Variants in ZNF26 observed in about 807,000 individuals in gnomAD.
The protein encoded by ZNF26 is zinc finger protein 26.
A neutral mutation model predicts 54.9 loss-of-function variants in ZNF26; 32 were observed. That is an observed-to-expected ratio of 0.58 (90% CI 0.44 to 0.78). ZNF26 has a LOEUF of 0.78. ZNF26 is among the 30% of genes least tolerant of loss of function. The pLI, the probability that ZNF26 is intolerant of heterozygous loss-of-function variation, is 0.00. For missense variants in ZNF26, 524 were observed against 634.0 expected (o/e 0.83, Z 1.86); for synonymous variants, 221 against 209.2 (o/e 1.06, Z -0.49).
rs1448418942 is a variant in ZNF26 at position 133,016,229 on chromosome 12, C to T, written c.*4748C>T. 2 of 151,572 alleles carry T rather than the reference C, an allele frequency of 1.3e-5. No homozygotes were observed. The highest frequency in any genetic ancestry group is 4.8e-5 in the African/African-American group (2 of 41,258). 9.4% of individuals were successfully genotyped at this position (151,572 alleles called of 1,614,324 possible). On this transcript the variant is annotated 3_prime_UTR_variant, in exon 4 of 4. Transcript: ENST00000328654. ...CTGGGATTACAGGCACCTGCCACCA[C>T]ACCTGGCTAATTTTTGTATTTTTAG... is the stretch of plus-strand genomic sequence containing the variant.
At position 133,018,977 on chromosome 12, in the gene ZNF26, C is replaced by T. The variant is rs368062223; in HGVS notation, c.*7496C>T. ...TGATAAAAAAAAATCCAACCATGTA[C>T]AGAAGACATACATACATACTCAAAG... On this transcript the variant is annotated 3_prime_UTR_variant, in exon 4 of 4. Coordinates refer to ENST00000328654, the MANE Select transcript of ZNF26 (RefSeq NM_019591.4). 1.8e-4 allele frequency: 27 copies of T among 152,048 alleles called. No individual in the cohort carries two copies. The East Asian group carries it at 4.6e-3, about 26-fold the overall frequency. The allele number at this position is 152,048 out of a possible 1,614,324, so 9.4% of individuals were successfully genotyped here.
At position 133,021,068 on chromosome 12, in the gene ZNF26, C is replaced by G. The variant is rs1364096706; in HGVS notation, c.*9587C>G. The G allele has an allele frequency of 6.6e-6, 1 of 151,280 alleles. No homozygotes were observed. Among genetic ancestry groups the G allele is most frequent in the African/African-American group, 2.4e-5 (1 of 41,130 alleles). 9.4% of individuals were successfully genotyped at this position (151,280 alleles called of 1,614,324 possible). On this transcript the variant is annotated 3_prime_UTR_variant, in exon 4 of 4. Coordinates refer to ENST00000328654, the MANE Select transcript of ZNF26 (RefSeq NM_019591.4). ...TCAACACTGAAGTGTTTAGGGATGT[C>G]GAGAAATTATGCCTCCAACCTATGC...
chr12:132,996,864 G>A (rs892140124), intron 1 of ZNF26, among the ~76,000 whole-genome samples: 9 of 152,132 alleles, frequency 5.9e-5, no homozygotes, highest in African/African-American at 2.2e-4. Context: ...CTGCTACCCT[G>A]TTGACTTTTC....
chr12:133,010,854 T>A lies in ZNF26; in HGVS notation c.975T>A (p.Ser325Arg). The A allele has an allele frequency of 6.2e-7, 1 of 1,610,616 alleles. No homozygotes were observed. Among genetic ancestry groups the A allele is most frequent in the Middle Eastern group, 1.7e-4 (1 of 6,024 alleles). The change falls in exon 4 of 4, where the codon AGT becomes AGA. Residue 325 changes from serine (S) to arginine (R), a missense_variant. Ser to Arg is a moderately radical substitution (Grantham distance 110). Coordinates refer to ENST00000328654, the MANE Select transcript of ZNF26 (RefSeq NM_019591.4). ...GTGAATGTGGGAAAGCCTTTAGGAG[T>A]AAGTCCTATCTCCTTGTTCACATCC... The part of the protein sequence containing the change: ...KCSECGKAFR[S>R]KSYLLVHIRM...
chr12:133,021,831 A>G lies in ZNF26; in HGVS notation c.*10350A>G, dbSNP rs1953646956. 1 of 152,052 alleles carries G rather than the reference A, an allele frequency of 6.6e-6. No homozygotes were observed. Among genetic ancestry groups the G allele is most frequent in the South Asian group, 2.1e-4 (1 of 4,822 alleles). 9.4% of individuals were successfully genotyped at this position (152,052 alleles called of 1,614,324 possible). ...CTAACATGGTAAAAATTTGAGGAAT[A>G]TTGGTAAAGAATATTTACAAATTCA... On this transcript the variant is annotated 3_prime_UTR_variant, in exon 4 of 4. Transcript: ENST00000328654.
chr12:132,989,941 C>T (rs1218282044), intron 1 of ZNF26, among the ~76,000 whole-genome samples: 2 of 152,060 alleles, frequency 1.3e-5, no homozygotes, highest in Admixed American at 1.3e-4. Context: ...ACCCTTGTTC[C>T]TAGTTTAGTG....
In ZNF26 at chr12:132,986,765, C is replaced by T. The variant is rs1226340511; in HGVS notation, c.-76C>T. 1.4e-5 allele frequency: 21 copies of T among 1,501,802 alleles called. No individual in the cohort carries two copies. The highest frequency in any genetic ancestry group is 1.6e-5 in the Non-Finnish European group (18 of 1,105,226). The allele number at this position is 1,501,802 out of a possible 1,614,324, so 93.0% of individuals were successfully genotyped here. A position where few individuals can be genotyped will look rare whatever the true frequency, so the allele number is the denominator to read the frequency against. On this transcript the variant is annotated 5_prime_UTR_variant, in exon 1 of 4. Coordinates refer to ENST00000328654, the MANE Select transcript of ZNF26 (RefSeq NM_019591.4). ...CCCTGGTCCCGCACCTGTCTTCGGGCGGACGCATCCCTCACGGTCTCTCCG... is the reference window on the plus strand; with the variant it reads ...CCCTGGTCCCGCACCTGTCTTCGGGTGGACGCATCCCTCACGGTCTCTCCG...
Position 132,988,133 on chromosome 12 carries a change from C to T in ZNF26, c.33+1260C>T, listed in dbSNP as rs1026089456. Among the ~76,000 whole-genome samples the T allele has an allele frequency of 2.6e-5, 4 of 152,144 alleles. No individual in the cohort carries two copies. The South Asian group carries it at 8.3e-4, about 32-fold the overall frequency. ...GAGCGATTCTTGAGCCTCAGCCTCCCGAGTAGCTGGGATTACAGGCACATG... is the reference window on the plus strand; with the variant it reads ...GAGCGATTCTTGAGCCTCAGCCTCCTGAGTAGCTGGGATTACAGGCACATG... On this transcript the variant is annotated intron_variant, in intron 1 of 3. Coordinates refer to ENST00000328654, the MANE Select transcript of ZNF26 (RefSeq NM_019591.4).
intron 1 of ZNF26, chr12:133,006,296 G>A (rs1953324976): frequency 5.1e-6 from 5 of 985,424 alleles, no homozygotes; most frequent in Non-Finnish European, 6.0e-6. Context: ...TTATCCCCCT[G>A]TTCTCAGCTG....
At position 133,021,956 on chromosome 12, in the gene ZNF26, C is replaced by A. The variant is rs1310526363; in HGVS notation, c.*10475C>A. 6.6e-6 allele frequency: 1 copy of A among 152,092 alleles called. No homozygotes were observed. Among genetic ancestry groups the A allele is most frequent in the East Asian group, 1.9e-4 (1 of 5,180 alleles). 9.4% of individuals were successfully genotyped at this position (152,092 alleles called of 1,614,324 possible). A position where few individuals can be genotyped will look rare whatever the true frequency, so the allele number is the denominator to read the frequency against. ...AAAAGAGGCCAGGTGTGGTGACTCA[C>A]GCCTGTAATCCCAGCACTTTGGAAG... On this transcript the variant is annotated 3_prime_UTR_variant, in exon 4 of 4. Transcript: ENST00000328654.
At position 133,007,027 on chromosome 12, in the gene ZNF26, T is replaced by G; in HGVS notation, c.34-15T>G. On this transcript the variant is annotated splice_polypyrimidine_tract_variant and intron_variant, in intron 1 of 3. Transcript: ENST00000328654. ...TGTAATTGCATCCAATTGAACAGGG[T>G]GTGTGTTATTTCAGGGATTATTGTC... is the stretch of plus-strand genomic sequence containing the variant. The G allele has an allele frequency of 5.0e-6, 8 of 1,613,934 alleles. No homozygotes were observed. Among genetic ancestry groups the G allele is most frequent in the Non-Finnish European group, 6.8e-6 (8 of 1,179,886 alleles).
In ZNF26 at chr12:132,986,837, G is replaced by A. The variant is rs1274451787; in HGVS notation, c.-4G>A. 1.2e-6 allele frequency: 2 copies of A among 1,605,528 alleles called. No homozygotes were observed. Among genetic ancestry groups the A allele is most frequent in the Non-Finnish European group, 1.7e-6 (2 of 1,176,116 alleles). On this transcript the variant is annotated 5_prime_UTR_variant, in exon 1 of 4. Coordinates refer to ENST00000328654, the MANE Select transcript of ZNF26 (RefSeq NM_019591.4). ...GCAGGCAGCGCGCGAACGTGGGCGT[G>A]GGGATGGCCACCAGTTTCCGGACAG...
In ZNF26 at chr12:133,014,295, C is replaced by A. The variant is rs1953531788; in HGVS notation, c.*2814C>A. 6.6e-6 allele frequency: 1 copy of A among 152,344 alleles called. No homozygotes were observed. Among genetic ancestry groups the A allele is most frequent in the Non-Finnish European group, 1.5e-5 (1 of 68,190 alleles). The allele number at this position is 152,344 out of a possible 1,614,324, so 9.4% of individuals were successfully genotyped here. ...GGTTACAGCGGTGCACACCTGCAAT[C>A]CCAGCTACTCAGGAGGTTGAGGCAG... is the stretch of plus-strand genomic sequence containing the variant. On this transcript the variant is annotated 3_prime_UTR_variant, in exon 4 of 4. Transcript: ENST00000328654.
In ZNF26 at chr12:133,019,513, C is replaced by T. The variant is rs1257939754; in HGVS notation, c.*8032C>T. 1 of 152,120 alleles carries T rather than the reference C, an allele frequency of 6.6e-6. No homozygotes were observed. Among genetic ancestry groups the T allele is most frequent in the African/African-American group, 2.4e-5 (1 of 41,414 alleles). The allele number at this position is 152,120 out of a possible 1,614,324, so 9.4% of individuals were successfully genotyped here. ...CAGAGAAATGCAAATTAACCACAAT[C>T]AGATATCATCCCTCTTCAGTTAAAA... On this transcript the variant is annotated 3_prime_UTR_variant, in exon 4 of 4. Coordinates refer to ENST00000328654, the MANE Select transcript of ZNF26 (RefSeq NM_019591.4).
Position 133,021,985 on chromosome 12 carries a change from A to T in ZNF26, c.*10504A>T, listed in dbSNP as rs889818755. On this transcript the variant is annotated 3_prime_UTR_variant, in exon 4 of 4. Transcript: ENST00000328654. The stretch of plus-strand genomic sequence containing the variant: ...TGTAATCCCAGCACTTTGGAAGGCC[A>T]AGGTGGGCGGATCACTTGAGGTCAG... 6.6e-6 allele frequency: 1 copy of T among 152,126 alleles called. No individual in the cohort carries two copies. The highest frequency in any genetic ancestry group is 2.4e-5 in the African/African-American group (1 of 41,418). The allele number at this position is 152,126 out of a possible 1,614,324, so 9.4% of individuals were successfully genotyped here.
At position 133,001,063 on chromosome 12, in the gene ZNF26, G is replaced by A. The variant is rs1301964472; in HGVS notation, c.34-5979G>A. 3.3e-5 allele frequency among the ~76,000 whole-genome samples: 5 copies of A among 152,044 alleles called. No homozygotes were observed. The highest frequency in any genetic ancestry group is 6.6e-5 in the Admixed American group (1 of 15,252). ...CTCCAGCTTCTAATATGGTCACATC[G>A]AAGTGACTTGTTTCATGTTTCTTCT... On this transcript the variant is annotated intron_variant, in intron 1 of 3. Transcript: ENST00000328654. This position sits in a 1 kb window ranked among gnomAD's most constrained non-coding sequence, Gnocchi z 4.7.
intron 1 of ZNF26, among the ~76,000 whole-genome samples, chr12:132,990,691 T>C (rs1400106137): frequency 2.6e-5 from 4 of 152,194 alleles, no homozygotes; most frequent in Non-Finnish European, 5.9e-5. Flanking sequence ...TGGCACTTTC[T>C]GGTTTGGGTG....
In ZNF26 at chr12:133,010,136, A is replaced by C. The variant is rs894448643; in HGVS notation, c.257A>C (p.Asp86Ala). 7 of 1,575,456 alleles carry C rather than the reference A, an allele frequency of 4.4e-6. No homozygotes were observed. Among genetic ancestry groups the C allele is most frequent in the East Asian group, 4.5e-5 (2 of 44,576 alleles). The change falls in exon 4 of 4, where the codon GAT (aspartate) becomes GCT (alanine). Residue 86 changes from aspartate (D) to alanine (A), a missense_variant and splice_region_variant. Physicochemically the swap from Asp to Ala is moderately radical, Grantham distance 126 (BLOSUM62 -2). Coordinates refer to ENST00000328654, the MANE Select transcript of ZNF26 (RefSeq NM_019591.4). ...TTATATTTTGTTTGTTTTTTTGTAG[A>C]TGGCTGGGAAGAATGGTACCAGAAC... ...NAKISRQSCPDGWEEWYQNNQ... is the reference protein window; with the variant it reads ...NAKISRQSCPAGWEEWYQNNQ...
At position 133,008,631 on chromosome 12, in the gene ZNF26, C is replaced by T. The variant is rs1027561725; in HGVS notation, c.256+1099C>T. Among the ~76,000 whole-genome samples, 433 of 151,946 alleles carry T rather than the reference C, an allele frequency of 2.8e-3. 3 individuals carry two copies. Among genetic ancestry groups the T allele is most frequent in the African/African-American group, 9.8e-3 (406 of 41,446 alleles). On this transcript the variant is annotated intron_variant, in intron 3 of 3. Transcript: ENST00000328654. ...CTCTACTAAAAATACAAAAAATTAG[C>T]GGGGTGTGGTGGCGGGCGCCTGTAG...
Sources: allele counts gnomAD v4.1 joint callset (sites outside exome capture counted in the v4.1 genomes callset), GRCh38; gene constraint gnomAD v4.1.1; non-coding constraint Gnocchi (gnomAD v3.1); transcripts MANE v1.5; gene names NCBI Gene and HGNC (gene_info 2026-07-23, HGNC 2026-07-21).